PLPP3: variants seen among roughly 807,000 people sequenced by gnomAD.
PLPP3 encodes the protein PAP2 beta.
A neutral mutation model predicts 29.6 loss-of-function variants in PLPP3; 6 were observed. The ratio of observed to expected loss-of-function variants is 0.20; its 90% CI spans 0.11 to 0.40. The LOEUF is 0.40. PLPP3 is among the 10% of genes least tolerant of loss of function. The pLI, the probability that PLPP3 is intolerant of heterozygous loss-of-function variation, is 1.00. For synonymous variants in PLPP3, 152 were observed against 159.7 expected (o/e 0.95, Z 0.36); for missense variants, 308 against 407.7 (o/e 0.76, Z 2.11).
intron 1 of PLPP3, chr1:56,538,749 C>A (rs78536949): frequency 0.026 from 4,707 of 184,550 alleles, 79 homozygotes; most frequent in South Asian, 0.084. Flanking sequence ...TTAAGCACTC[C>A]AAGAGCTGAG....
intron 4 of PLPP3, among the ~76,000 whole-genome samples, chr1:56,520,926 A>G (rs1645814805): frequency 6.7e-6 from 1 of 149,340 alleles, no homozygotes; most frequent in South Asian, 2.1e-4. Context: ...AAAAAAAAAA[A>G]AAAAAAAAAG....
At chr1:56,528,120 T>C (rs148064645) in intron 2 of PLPP3, among the ~76,000 whole-genome samples, 198 of 152,258 alleles carry the variant, frequency 1.3e-3, no homozygotes, top group African/African-American at 4.6e-3. Context: ...AGCAACAGAT[T>C]CTGGGGGTGA....
chr1:56,511,182 G>A (rs902681418), intron 5 of PLPP3, among the ~76,000 whole-genome samples: 3 of 152,136 alleles, frequency 2.0e-5, no homozygotes, highest in South Asian at 2.1e-4. Flanking sequence ...AGTCATGTTC[G>A]CTGAATAAGC....
rs573797434 is a variant in PLPP3, at chr1:56,543,525, T to C, written c.140-6413A>G. On this transcript the variant is annotated intron_variant, in intron 1 of 5. Coordinates refer to ENST00000371250, the MANE Select transcript of PLPP3 (RefSeq NM_003713.5). ...CAGAATGGTCAACACAACTATTACT[T>C]AGAGGTTCAAAATACAAATATTTAT... Among the ~76,000 whole-genome samples the C allele has an allele frequency of 7.2e-5, 11 of 152,292 alleles. No homozygotes were observed. In the East Asian group the frequency reaches 1.9e-3, roughly 27 times the overall value.
intron 2 of PLPP3, among the ~76,000 whole-genome samples, chr1:56,527,336 C>G (rs1161492916): frequency 6.6e-6 from 1 of 152,150 alleles, no homozygotes. Flanking sequence ...TTCATTGAAT[C>G]TTCTCTGTGA....
intron 1 of PLPP3, among the ~76,000 whole-genome samples, chr1:56,557,026 A>AAGAGAGAG (rs771132203): frequency 2.1e-3 from 20 of 9,516 alleles, no homozygotes; most frequent in South Asian, 0.01. Context: ...GAGAGAGAGA[A>AAGAGAGAG]AGAGAGAGAG....
rs1179551729 is a variant in PLPP3, at chr1:56,522,396, AC to A, written c.633+1426del. ...GAACACATACCCAGTTCCTCTAAGC[AC>A]TTTTATAAAACATCGAAATTACATT... On this transcript the variant is annotated intron_variant, in intron 4 of 5. Transcript: ENST00000371250. 9.8e-4 allele frequency among the ~76,000 whole-genome samples: 149 copies of A among 152,330 alleles called. 2 individuals carry two copies. In the South Asian group the frequency reaches 0.019, roughly 19 times the overall value.
In PLPP3 at chr1:56,579,198, T is replaced by C; in HGVS notation, c.-182A>G. 1 of 669,438 alleles carries C rather than the reference T, an allele frequency of 1.5e-6. No homozygotes were observed. The highest frequency in any genetic ancestry group is 2.4e-6 in the Non-Finnish European group (1 of 423,818). The allele number at this position is 669,438 out of a possible 1,614,324, so 41.5% of individuals were successfully genotyped here. A position where few individuals can be genotyped will look rare whatever the true frequency, so the allele number is the denominator to read the frequency against. On this transcript the variant is annotated 5_prime_UTR_variant, in exon 1 of 6. Transcript: ENST00000371250. ...GCCTGCCTCCAACTGCAGAAGGTGG[T>C]GTTTTCTGCTCCTCCTGCGCGCCTC...
intron 2 of PLPP3, among the ~76,000 whole-genome samples, chr1:56,531,606 G>A (rs1201406004): frequency 6.6e-6 from 1 of 152,184 alleles, no homozygotes; most frequent in African/African-American, 2.4e-5. Context: ...TCCAAGCCCA[G>A]TAACTAAAAG....
At position 56,557,036 on chromosome 1, in the gene PLPP3, G is replaced by GAGAAAGAAAGAAAGAA. The variant is rs1380595176; in HGVS notation, c.140-19925_140-19924insTTCTTTCTTTCTTTCT. On this transcript the variant is annotated intron_variant, in intron 1 of 5. Coordinates refer to ENST00000371250, the MANE Select transcript of PLPP3 (RefSeq NM_003713.5). ...AGAGAGAGAGAGAGAAAGAGAGAGA[G>GAGAAAGAAAGAAAGAA]AGAGAGAGAGAGAGAGAGAGAGAAA... is the stretch of plus-strand genomic sequence containing the variant. 6.3e-4 allele frequency among the ~76,000 whole-genome samples: 6 copies of GAGAAAGAAAGAAAGAA among 9,582 alleles called. 2 individuals carry two copies. Among genetic ancestry groups the GAGAAAGAAAGAAAGAA allele is most frequent in the African/African-American group, 1.1e-3 (6 of 5,418 alleles). 6.3% of individuals were successfully genotyped at this position (9,582 alleles called of 152,430 possible).
At chr1:56,537,234 C>T (rs908453523) in intron 1 of PLPP3, 122 bp from the exon 2 acceptor site, 14 of 1,099,730 alleles carry the variant, frequency 1.3e-5, no homozygotes, top group Middle Eastern at 3.1e-4. Context: ...GAGTGATAAT[C>T]GTTCCTTCCA....
intron 5 of PLPP3, among the ~76,000 whole-genome samples, chr1:56,502,171 CATTTTGTTA>C (rs1157520329): frequency 2.2e-4 from 34 of 152,044 alleles, no homozygotes; most frequent in Admixed American, 5.2e-4. Context: ...TTTTGAGGGT[CATTTTGTTA>C]ATTTTGTTAA....
At chr1:56,535,398 C>A (rs1645920015) in intron 2 of PLPP3, among the ~76,000 whole-genome samples, 1 of 152,280 alleles carries the variant, frequency 6.6e-6, no homozygotes, top group South Asian at 2.1e-4. Flanking sequence ...AATTTCTTGG[C>A]TTGTGTTTCT....
chr1:56,505,133 T>C (rs1291322291), intron 5 of PLPP3, among the ~76,000 whole-genome samples: 11 of 152,240 alleles, frequency 7.2e-5, no homozygotes, highest in Admixed American at 7.2e-4. Flanking sequence ...ATAAGCTCTT[T>C]AAGGACCAAC....
rs1646027168 is a variant in PLPP3 at position 56,549,914 on chromosome 1, G to A, written c.140-12802C>T. Among the ~76,000 whole-genome samples, 5 of 152,284 alleles carry A rather than the reference G, an allele frequency of 3.3e-5. No individual in the cohort carries two copies. The South Asian group carries it at 1.0e-3, about 32-fold the overall frequency. ...ATTAGCTACCGCTAGACACTTTCCT[G>A]GTCACTTTATTGCTGCACCTCCCTT... On this transcript the variant is annotated intron_variant, in intron 1 of 5. Coordinates refer to ENST00000371250, the MANE Select transcript of PLPP3 (RefSeq NM_003713.5).
At chr1:56,528,054 G>A (rs992992338) in intron 2 of PLPP3, among the ~76,000 whole-genome samples, 2 of 152,200 alleles carry the variant, frequency 1.3e-5, no homozygotes, top group African/African-American at 4.8e-5. Flanking sequence ...GTTCTGATAT[G>A]TAAATTTCAC....
At chr1:56,578,579 C>T (rs1241666767) in intron 1 of PLPP3, among the ~76,000 whole-genome samples, 1 of 152,228 alleles carries the variant, frequency 6.6e-6, no homozygotes, top group Non-Finnish European at 1.5e-5. Context: ...CCCACACCTT[C>T]CGCGGGATTC....
intron 1 of PLPP3, among the ~76,000 whole-genome samples, chr1:56,551,625 C>A (rs1189552517): frequency 6.6e-6 from 1 of 152,180 alleles, no homozygotes; most frequent in South Asian, 2.1e-4. Flanking sequence ...TCCTATCATA[C>A]CCCAGGTACT....
chr1:56,528,634 C>G (rs1311486990), intron 2 of PLPP3, among the ~76,000 whole-genome samples: 2 of 151,836 alleles, frequency 1.3e-5, no homozygotes, highest in African/African-American at 2.4e-5. Flanking sequence ...AGCAGGAGAG[C>G]CCTCCAAAAG....
Sources: gnomAD v4.1 joint callset for allele counts (sites outside exome capture counted in the v4.1 genomes callset) on GRCh38, gnomAD v4.1.1 for gene constraint, MANE v1.5 for transcripts, NCBI Gene and HGNC (gene_info 2026-07-23, HGNC 2026-07-21) for gene names.